OPA3: variants seen among roughly 807,000 people sequenced by gnomAD.
OPA3 encodes the protein outer mitochondrial membrane lipid metabolism regulator OPA3, also known as optic atrophy 3 protein.
OPA3 carries 6 observed loss-of-function variants against 4.0 expected under a neutral mutation model. The ratio of observed to expected loss-of-function variants is 1.51; its 90% CI spans 0.83 to 2.99. The LOEUF (loss-of-function observed/expected upper bound fraction) is 2.99. Ranked by LOEUF, OPA3 falls within the 30% of genes most tolerant of loss-of-function variation. OPA3 has a pLI of 0.00. For synonymous variants in OPA3, 105 were observed against 117.1 expected (o/e 0.90, Z 0.67); for missense variants, 235 against 256.2 (o/e 0.92, Z 0.56).
chr19:45,545,187 C>CAA (rs1969234980), downstream of OPA3, among the ~76,000 whole-genome samples: 1 of 106,850 alleles, frequency 9.4e-6, no homozygotes, highest in Non-Finnish European at 2.0e-5. Flanking sequence ...AACAAAAAAA[C>CAA]AAAAAATAGG....
chr19:45,549,765 C>G lies in OPA3; in HGVS notation c.*3749G>C. 1 of 985,446 alleles carries G rather than the reference C, an allele frequency of 1.0e-6. No individual in the cohort carries two copies. The highest frequency in any genetic ancestry group is 1.2e-6 in the Non-Finnish European group (1 of 830,056). The allele number at this position is 985,446 out of a possible 1,614,324, so 61.0% of individuals were successfully genotyped here. Reference sequence around the variant, plus strand: ...AAAGTGCTGGGATGACAGGCGTGAGCTGGCCTGGGTCACTCCCAGTTTTAA... The same window carrying G: ...AAAGTGCTGGGATGACAGGCGTGAGGTGGCCTGGGTCACTCCCAGTTTTAA... On this transcript the variant is annotated 3_prime_UTR_variant, in exon 2 of 2. Transcript: ENST00000263275.
chr19:45,529,021 A>G, exon 2 of OPA3: 3 of 1,585,720 alleles, frequency 1.9e-6, no homozygotes, highest in Middle Eastern at 2.2e-4. Context: ...CAGTCCAGAC[A>G]GCAGTCACCT....
At chr19:45,529,537 G>A (rs1487898373) in intron 1 of OPA3, 15 of 1,528,150 alleles carry the variant, frequency 9.8e-6, no homozygotes, top group Non-Finnish European at 1.4e-5. Flanking sequence ...CGATGTCCCC[G>A]TTGTAGCAAT....
chr19:45,580,230 G>A (rs993483746), intron 1 of OPA3, among the ~76,000 whole-genome samples: 6 of 150,620 alleles, frequency 4.0e-5, no homozygotes, highest in Admixed American at 1.3e-4. Flanking sequence ...ATTTGACTTC[G>A]TGATCTGCCC....
At chr19:45,570,508 C>A (rs1303549313) in intron 1 of OPA3, among the ~76,000 whole-genome samples, 1 of 151,942 alleles carries the variant, frequency 6.6e-6, no homozygotes, top group Admixed American at 6.6e-5. Flanking sequence ...TATGGTGAAA[C>A]CCTATCTCCA....
chr19:45,560,894 G>T (rs564587100), intron 1 of OPA3, among the ~76,000 whole-genome samples: 1 of 152,280 alleles, frequency 6.6e-6, no homozygotes, highest in South Asian at 2.1e-4. Flanking sequence ...GTAAAGTGAC[G>T]TACTTGGCCA....
At chr19:45,529,627 C>A (rs1328565991) in intron 1 of OPA3, among the ~76,000 whole-genome samples, 3 of 152,230 alleles carry the variant, frequency 2.0e-5, no homozygotes, top group Non-Finnish European at 4.4e-5. Flanking sequence ...CACCCAGAAT[C>A]CTCTAGGGAA....
intron 1 of OPA3, among the ~76,000 whole-genome samples, chr19:45,572,950 C>T (rs1171806468): frequency 6.6e-6 from 1 of 150,774 alleles, no homozygotes; most frequent in Non-Finnish European, 1.5e-5. Context: ...TTATGTTTGC[C>T]CTTGCCAGGT....
Position 45,540,802 on chromosome 19 carries a change from C to CAA in OPA3, c.143-11348_143-11347dup, listed in dbSNP as rs11388312. Among the ~76,000 whole-genome samples the CAA allele has an allele frequency of 3.9e-4, 57 of 146,806 alleles. No individual in the cohort carries two copies. In the South Asian group the frequency reaches 6.9e-3, roughly 18 times the overall value. ...TGGGTGAGAGAGAGAGACTCCGTCT[C>CAA]AAAAAAAAAACAAGCAAAAAAGCCA... On this transcript the variant is annotated intron_variant, in intron 1 of 1. Coordinates refer to the OPA3 transcript ENST00000323060.
intron 1 of OPA3, among the ~76,000 whole-genome samples, chr19:45,559,732 C>A (rs2122458243): frequency 6.6e-6 from 1 of 152,136 alleles, no homozygotes; most frequent in Middle Eastern, 3.4e-3. Context: ...TGTCTTTTCC[C>A]AATTCTTCTT....
At chr19:45,556,206 CA>C (rs1378934403) in intron 1 of OPA3, among the ~76,000 whole-genome samples, 2 of 152,074 alleles carry the variant, frequency 1.3e-5, no homozygotes, top group Non-Finnish European at 2.9e-5. Flanking sequence ...TGCTGTGGAA[CA>C]ATCTCAGCTC....
At position 45,549,348 on chromosome 19, in the gene OPA3, T is replaced by C. The variant is rs1349889631; in HGVS notation, c.*4166A>G. On this transcript the variant is annotated 3_prime_UTR_variant, in exon 2 of 2. Coordinates refer to ENST00000263275, the MANE Select transcript of OPA3 (RefSeq NM_025136.4). ...AAGTAGATGGCCCTGCTGCCCACGA[T>C]GACTGGCTGCCTGTCAGGGCAGGGC... 2.7e-5 allele frequency: 26 copies of C among 954,542 alleles called. No individual in the cohort carries two copies. The highest frequency in any genetic ancestry group is 3.2e-5 in the Non-Finnish European group (26 of 821,394). 59.1% of individuals were successfully genotyped at this position (954,542 alleles called of 1,614,324 possible). A position where few individuals can be genotyped will look rare whatever the true frequency, so the allele number is the denominator to read the frequency against.
At position 45,546,498 on chromosome 19, in the gene OPA3, G is replaced by GTTTTTTT; in HGVS notation, c.*7015_*7016insAAAAAAA. 1.7e-6 allele frequency: 1 copy of GTTTTTTT among 586,832 alleles called. No individual in the cohort carries two copies. Among genetic ancestry groups the GTTTTTTT allele is most frequent in the Non-Finnish European group, 2.1e-6 (1 of 468,678 alleles). 36.4% of individuals were successfully genotyped at this position (586,832 alleles called of 1,614,324 possible). ...GCACACGATGGATTACATAAACTCT[G>GTTTTTTT]CTTTTTTTTTTTTTTGAGACAGGGT... On this transcript the variant is annotated 3_prime_UTR_variant, in exon 2 of 2. Coordinates refer to ENST00000263275, the MANE Select transcript of OPA3 (RefSeq NM_025136.4).
intron 1 of OPA3, among the ~76,000 whole-genome samples, chr19:45,579,239 G>A (rs1223209420): frequency 6.6e-6 from 1 of 151,764 alleles, no homozygotes; most frequent in Non-Finnish European, 1.5e-5. Context: ...ACTATTTTTT[G>A]AGATGGAATC....
chr19:45,569,705 CACTT>C (rs1025600112), intron 1 of OPA3, among the ~76,000 whole-genome samples: 12 of 152,020 alleles, frequency 7.9e-5, no homozygotes, highest in African/African-American at 2.9e-4. Context: ...GCGTTACCCT[CACTT>C]ACCTGACCAC....
At chr19:45,571,168 G>A (rs1969660788) in intron 1 of OPA3, among the ~76,000 whole-genome samples, 1 of 151,672 alleles carries the variant, frequency 6.6e-6, no homozygotes, top group Non-Finnish European at 1.5e-5. Flanking sequence ...TTTTGAGACA[G>A]GGTCTTGCTC....
chr19:45,578,261 T>C (rs1003710349), intron 1 of OPA3, among the ~76,000 whole-genome samples: 4 of 152,316 alleles, frequency 2.6e-5, no homozygotes, highest in East Asian at 1.9e-4. Flanking sequence ...TTAGGAGTCA[T>C]GCAGCTGGAG....
intron 1 of OPA3, 108 bp downstream of exon 1, chr19:45,584,515 G>A: frequency 6.6e-7 from 1 of 1,506,334 alleles, no homozygotes; most frequent in Non-Finnish European, 9.0e-7. Flanking sequence ...ACTGGACTTT[G>A]CCGGTTCGGG....
intron 1 of OPA3, among the ~76,000 whole-genome samples, chr19:45,532,220 C>G (rs1469090394): frequency 6.6e-6 from 1 of 152,162 alleles, no homozygotes; most frequent in South Asian, 2.1e-4. Context: ...CTTATCATTG[C>G]TGGGAGAAGT....
Sources: gnomAD v4.1 joint callset for allele counts (sites outside exome capture counted in the v4.1 genomes callset) on GRCh38, gnomAD v4.1.1 for gene constraint, MANE v1.5 for transcripts, NCBI Gene and HGNC (gene_info 2026-07-23, HGNC 2026-07-21) for gene names.